LRSAM1: variants seen among roughly 807,000 people sequenced by gnomAD.
LRSAM1 encodes the protein leucine rich repeat and sterile alpha motif containing 1.
In LRSAM1, 96 loss-of-function variants were observed where a neutral mutation model predicts 118.1. The observed-to-expected ratio is 0.81, with a 90% CI of 0.69 to 0.96. The LOEUF is 0.96. LRSAM1 is among the 40% of genes least tolerant of loss of function. LRSAM1 has a pLI of 0.00. For missense variants in LRSAM1, 804 were observed against 915.5 expected (o/e 0.88, Z 1.57); for synonymous variants, 322 against 364.2 (o/e 0.88, Z 1.32).
intron 7 of LRSAM1, among the ~76,000 whole-genome samples, chr9:127,459,585 TCTCA>T (rs2132005321): frequency 6.6e-6 from 1 of 150,760 alleles, no homozygotes; most frequent in East Asian, 2.0e-4. Flanking sequence ...ATTTTTTTTT[TCTCA>T]CTCTTGTCAC....
intron 16 of LRSAM1, among the ~76,000 whole-genome samples, chr9:127,483,766 C>T (rs1262835844): frequency 1.3e-5 from 2 of 152,104 alleles, no homozygotes; most frequent in Non-Finnish European, 2.9e-5. Flanking sequence ...CAGGTTTAAG[C>T]GATTCTCCTG....
intron 10 of LRSAM1, 24 bp downstream of exon 10, chr9:127,467,854 C>T (rs1398871663): frequency 9.0e-6 from 14 of 1,555,064 alleles, no homozygotes; most frequent in Non-Finnish European, 1.2e-5. Context: ...GCTGCCTCCT[C>T]CCCTCATTGA....
intron 5 of LRSAM1, 60 bp downstream of exon 5, chr9:127,455,680 C>G (rs1193750651): frequency 1.9e-6 from 3 of 1,547,254 alleles, no homozygotes; most frequent in Non-Finnish European, 2.7e-6. Flanking sequence ...TTTGAACCCA[C>G]AAGGGACTTT....
At chr9:127,501,683 G>C (rs1045834170) in intron 25 of LRSAM1, among the ~76,000 whole-genome samples, 2 of 152,168 alleles carry the variant, frequency 1.3e-5, no homozygotes, top group Non-Finnish European at 2.9e-5. Flanking sequence ...AGTGAGCCAA[G>C]ATCCCACCAC....
In LRSAM1 at chr9:127,497,241, G is replaced by C; in HGVS notation, c.1831-12G>C. 6.2e-7 allele frequency: 1 copy of C among 1,612,852 alleles called. No homozygotes were observed. The highest frequency in any genetic ancestry group is 8.5e-7 in the Non-Finnish European group (1 of 1,179,832). On this transcript the variant is annotated splice_polypyrimidine_tract_variant and intron_variant, in intron 23 of 25. Transcript: ENST00000300417. ...CCCAGGCCACAGTCTGCACTTCCTT[G>C]AACTGTCACAGGTGGGCGTCTCAGA...
At chr9:127,479,661 C>T in intron 13 of LRSAM1, among the ~76,000 whole-genome samples, 156 bp downstream of exon 13, 1 of 152,214 alleles carries the variant, frequency 6.6e-6, no homozygotes, top group South Asian at 2.1e-4. Context: ...ACAGATCACC[C>T]AGCCCAGCCT....
At chr9:127,496,121 G>T in intron 23 of LRSAM1, 26 bp downstream of exon 23, 1 of 1,604,646 alleles carries the variant, frequency 6.2e-7, no homozygotes, top group Non-Finnish European at 8.5e-7. Context: ...CTGCATGGAG[G>T]GGAGGGGCAC....
At position 127,495,371 on chromosome 9, in the gene LRSAM1, C is replaced by G; in HGVS notation, c.1651C>G (p.Gln551Glu). ...ETRQENYWLI[Q>E]YQRLLNQKPL... is the part of the protein sequence containing the mutation. ...CAGGCAGGAAAATTACTGGCTGATT[C>G]AGTATCAACGGCTTTTGAACCAGAA... Residue 551 changes from glutamine (Q) to glutamate (E), a missense_variant, in exon 22 of 26, where the codon CAG (glutamine) becomes GAG (glutamate). Coordinates refer to ENST00000300417, the MANE Select transcript of LRSAM1 (RefSeq NM_001005373.4). 1 of 1,614,070 alleles carries G rather than the reference C, an allele frequency of 6.2e-7. No homozygotes were observed. The highest frequency in any genetic ancestry group is 8.5e-7 in the Non-Finnish European group (1 of 1,180,022).
chr9:127,477,772 G>A (rs1259035482), intron 11 of LRSAM1, among the ~76,000 whole-genome samples: 1 of 151,912 alleles, frequency 6.6e-6, no homozygotes. Flanking sequence ...TGTGGGCCGG[G>A]CGCAGTGGCT....
chr9:127,496,206 A>C, intron 23 of LRSAM1, 111 bp downstream of exon 23: 1 of 1,484,514 alleles, frequency 6.7e-7, no homozygotes, highest in Non-Finnish European at 9.0e-7. Context: ...GTCCTTACCT[A>C]ATGGCCCAGG....
At chr9:127,496,199 C>T in intron 23 of LRSAM1, 104 bp downstream of exon 23, 1 of 1,513,296 alleles carries the variant, frequency 6.6e-7, no homozygotes, top group Non-Finnish European at 8.9e-7. Context: ...GAGGCCTGTC[C>T]TTACCTAATG....
chr9:127,495,749 T>C (rs1836109590), intron 22 of LRSAM1, among the ~76,000 whole-genome samples: 1 of 152,126 alleles, frequency 6.6e-6, no homozygotes, highest in Non-Finnish European at 1.5e-5. Flanking sequence ...GATGTTCAAG[T>C]TGCTTACTAT....
At chr9:127,498,927 C>T (rs903955196) in intron 24 of LRSAM1, among the ~76,000 whole-genome samples, 5 of 151,718 alleles carry the variant, frequency 3.3e-5, no homozygotes, top group Non-Finnish European at 5.9e-5. Flanking sequence ...GGCGTGGTGG[C>T]GTGCACCTGT....
intron 24 of LRSAM1, 152 bp from the exon 25 acceptor site, chr9:127,500,858 G>A (rs1054969389): frequency 9.8e-6 from 10 of 1,015,954 alleles, no homozygotes; most frequent in Admixed American, 7.8e-5. Context: ...GAGAGTGTGT[G>A]GCAAGGAGAG....
intron 2 of LRSAM1, chr9:127,453,377 C>G (rs146019444): frequency 6.6e-6 from 1 of 152,214 alleles, no homozygotes; most frequent in Non-Finnish European, 1.5e-5. Context: ...CCACCACACC[C>G]GGCGTGTTTC....
At chr9:127,452,507 T>C (rs1834361756) in intron 2 of LRSAM1, among the ~76,000 whole-genome samples, 1 of 152,160 alleles carries the variant, frequency 6.6e-6, no homozygotes, top group African/African-American at 2.4e-5. Flanking sequence ...CTGCATCTCC[T>C]CCCATGACTA....
intron 25 of LRSAM1, among the ~76,000 whole-genome samples, chr9:127,502,053 C>T (rs181332001): frequency 2.4e-3 from 367 of 152,298 alleles, no homozygotes; most frequent in African/African-American, 8.2e-3. Flanking sequence ...GCTGCTGCTC[C>T]GGGTTGGGAT....
Position 127,457,315 on chromosome 9 carries a change from G to A in LRSAM1, c.175-1G>A. 1.2e-6 allele frequency: 2 copies of A among 1,614,086 alleles called. No homozygotes were observed. The highest frequency in any genetic ancestry group is 4.5e-5 in the East Asian group (2 of 44,878). ...GCATGGCCGCACATCTCTCCACACAGGTGCTGATCGTCCACACGAATCACC... is the reference window on the plus strand; with the variant it reads ...GCATGGCCGCACATCTCTCCACACAAGTGCTGATCGTCCACACGAATCACC... On this transcript the variant is annotated splice_acceptor_variant, in intron 5 of 25. Coordinates refer to ENST00000300417, the MANE Select transcript of LRSAM1 (RefSeq NM_001005373.4). LOFTEE classifies it high-confidence loss of function.
intron 16 of LRSAM1, among the ~76,000 whole-genome samples, chr9:127,484,217 G>A (rs1588125062): frequency 6.8e-6 from 1 of 146,720 alleles, no homozygotes; most frequent in African/African-American, 2.5e-5. Context: ...TTAGCATAAT[G>A]TCCTCGGGTT....
Sources: allele counts gnomAD v4.1 joint callset (sites outside exome capture counted in the v4.1 genomes callset), GRCh38; gene constraint gnomAD v4.1.1; transcripts MANE v1.5; gene names NCBI Gene and HGNC (gene_info 2026-07-23, HGNC 2026-07-21).